Variants in BCKDHB observed in about 807,000 individuals in gnomAD.
BCKDHB encodes the protein branched chain keto acid dehydrogenase E1 subunit beta.
A neutral mutation model predicts 48.5 loss-of-function variants in BCKDHB; 41 were observed. The observed-to-expected ratio is 0.85, with a 90% confidence interval of 0.66 to 1.10. The LOEUF (loss-of-function observed/expected upper bound fraction) is 1.10, where lower values mean the gene tolerates loss of function less well. BCKDHB is among the 50% of genes least tolerant of loss of function. BCKDHB has a pLI of 0.00. For synonymous variants in BCKDHB, 201 were observed against 174.8 expected, an observed-to-expected ratio of 1.15 and a Z score of -1.18; for missense variants, 496 against 494.2, an observed-to-expected ratio of 1.00 and a Z score of -0.03.
At chr6:80,288,130 C>A (rs184787796) in intron 9 of BCKDHB, among the ~76,000 whole-genome samples, 3 of 151,252 alleles carry the variant, frequency 2.0e-5, no homozygotes, top group Non-Finnish European at 2.9e-5. Flanking sequence ...GTTAGTATTA[C>A]GCACAAAATG....
chr6:80,422,185 G>A, the BCKDHB span, among the ~76,000 whole-genome samples: 1 of 152,198 alleles, frequency 6.6e-6, no homozygotes, highest in South Asian at 2.1e-4. Context: ...CTGGCTAAAA[G>A]GGACCAAAGT....
chr6:80,268,137 A>G (rs1322532782), intron 8 of BCKDHB, among the ~76,000 whole-genome samples: 1 of 152,086 alleles, frequency 6.6e-6, no homozygotes, highest in Non-Finnish European at 1.5e-5. Flanking sequence ...TACTAGGCAT[A>G]TATTAATATG....
intron 9 of BCKDHB, among the ~76,000 whole-genome samples, chr6:80,309,950 T>C (rs1353054054): frequency 1.3e-5 from 2 of 152,234 alleles, no homozygotes; most frequent in Non-Finnish European, 2.9e-5. Context: ...TGAGAACATG[T>C]ATTCAGTTTT....
At chr6:80,375,468 C>T in the BCKDHB span, among the ~76,000 whole-genome samples, 143,977 of 152,248 alleles carry the variant, frequency 0.95, 68,607 homozygotes, top group East Asian at 1. Context: ...TCATTTTGCA[C>T]TTCTCTAAAT....
At chr6:80,420,528 G>A in the BCKDHB span, among the ~76,000 whole-genome samples, 1 of 152,172 alleles carries the variant, frequency 6.6e-6, no homozygotes, top group Non-Finnish European at 1.5e-5. Flanking sequence ...GCAGAATCAT[G>A]CCAGCTACTA....
intron 3 of BCKDHB, among the ~76,000 whole-genome samples, chr6:80,129,555 G>GCCT (rs1171647825): frequency 1.3e-5 from 2 of 152,106 alleles, no homozygotes; most frequent in African/African-American, 4.8e-5. Context: ...CAATTCCATT[G>GCCT]CCTCCAGTTG....
At chr6:80,320,717 T>C (rs1768674581) in intron 9 of BCKDHB, among the ~76,000 whole-genome samples, 1 of 152,226 alleles carries the variant, frequency 6.6e-6, no homozygotes, top group African/African-American at 2.4e-5. Flanking sequence ...TTTAAATTGA[T>C]AGGCAATTAT....
chr6:80,323,124 G>C (rs1768835937), intron 9 of BCKDHB, among the ~76,000 whole-genome samples: 1 of 151,950 alleles, frequency 6.6e-6, no homozygotes, highest in Non-Finnish European at 1.5e-5. Context: ...CTCTGAAGGG[G>C]ATGATGAAGG....
intron 6 of BCKDHB, among the ~76,000 whole-genome samples, chr6:80,173,039 G>A (rs1321497501): frequency 6.6e-6 from 1 of 152,108 alleles, no homozygotes; most frequent in Non-Finnish European, 1.5e-5. Context: ...CCAGCCAGCT[G>A]TTATAGCCAA....
intron 6 of BCKDHB, among the ~76,000 whole-genome samples, chr6:80,194,290 A>G (rs1774036042): frequency 6.6e-6 from 1 of 152,230 alleles, no homozygotes; most frequent in African/African-American, 2.4e-5. Flanking sequence ...TTGCAAAAAT[A>G]GTATGAAGAA....
At chr6:80,188,130 T>C (rs140184405) in intron 6 of BCKDHB, among the ~76,000 whole-genome samples, 2 of 152,238 alleles carry the variant, frequency 1.3e-5, no homozygotes, top group East Asian at 3.9e-4. Context: ...ATATACACCA[T>C]GGAAAACTCT....
Position 80,106,863 on chromosome 6 carries a change from A to G in BCKDHB, c.170A>G (p.Gln57Arg), listed in dbSNP as rs2127699220. The G allele has an allele frequency of 1.2e-6, 2 of 1,609,550 alleles. No individual in the cohort carries two copies. The highest frequency in any genetic ancestry group is 4.5e-5 in the East Asian group (2 of 44,756). Residue 57 changes from glutamine to arginine, a missense_variant, in exon 1 of 10, where the codon CAG becomes CGG. Gln to Arg is a conservative substitution (Grantham distance 43). Coordinates refer to ENST00000320393, the MANE Select transcript of BCKDHB (RefSeq NM_183050.4). The stretch of plus-strand genomic sequence containing the variant: ...CGGCAGGTGGCTCATTTTACTTTCC[A>G]GCCAGATCCGGAGCCCCGGGAGTAC... ...QRRQVAHFTF[Q>R]PDPEPREYGQ... is the part of the protein sequence containing the mutation.
intron 5 of BCKDHB, chr6:80,170,020 C>A: frequency 9.4e-7 from 1 of 1,063,860 alleles, no homozygotes; most frequent in Non-Finnish European, 1.2e-6. Context: ...TTTCCTCCTT[C>A]ATTTTCTTTC....
rs1554195542 is a variant in BCKDHB at position 80,205,791 on chromosome 6, G to GGGGT, written c.951+2580_951+2581insGGTG. 4.1e-3 allele frequency among the ~76,000 whole-genome samples: 554 copies of GGGGT among 135,166 alleles called. 2 individuals carry two copies. The highest frequency in any genetic ancestry group is 0.01 in the African/African-American group (363 of 35,074). 88.7% of individuals were successfully genotyped at this position (135,166 alleles called of 152,430 possible). On this transcript the variant is annotated intron_variant, in intron 8 of 9. Coordinates refer to ENST00000320393, the MANE Select transcript of BCKDHB (RefSeq NM_183050.4). The stretch of plus-strand genomic sequence containing the variant: ...AGACAGAGACCTACCCTGTGCCATG[G>GGGGT]GTGTGTGTGTGTGTGTGTGTGTGTG...
intron 1 of BCKDHB, among the ~76,000 whole-genome samples, chr6:80,114,261 T>TA (rs1302706907): frequency 4.6e-5 from 7 of 151,598 alleles, no homozygotes; most frequent in African/African-American, 1.5e-4. Context: ...TTTTTTTTTT[T>TA]AATTAAATAC....
intron 3 of BCKDHB, among the ~76,000 whole-genome samples, chr6:80,130,201 T>G (rs1244767723): frequency 6.6e-6 from 1 of 152,232 alleles, no homozygotes; most frequent in South Asian, 2.1e-4. Context: ...TTTTGACATT[T>G]TATTTTTTGT....
chr6:80,182,416 A>G (rs1773454626), intron 6 of BCKDHB, among the ~76,000 whole-genome samples: 1 of 152,206 alleles, frequency 6.6e-6, no homozygotes, highest in African/African-American at 2.4e-5. Flanking sequence ...CCGTAAGCAG[A>G]TATCTATTTT....
intron 3 of BCKDHB, among the ~76,000 whole-genome samples, chr6:80,161,032 G>T (rs1305324852): frequency 1.3e-5 from 2 of 152,148 alleles, no homozygotes; most frequent in South Asian, 4.1e-4. Context: ...AGGCATTGAG[G>T]AACTGTTTCA....
intron 3 of BCKDHB, among the ~76,000 whole-genome samples, chr6:80,140,380 C>T (rs1370111929): frequency 6.6e-6 from 1 of 152,162 alleles, no homozygotes; most frequent in East Asian, 1.9e-4. Flanking sequence ...CTGTCTTGTG[C>T]CAGTTTTCAA....
Sources: gnomAD v4.1 joint callset for allele counts (sites outside exome capture counted in the v4.1 genomes callset) on GRCh38, gnomAD v4.1.1 for gene constraint, MANE v1.5 for transcripts, NCBI Gene and HGNC (gene_info 2026-07-23, HGNC 2026-07-21) for gene names.